The following NCAM2 variants were observed in gnomAD, a reference collection of about 807,000 sequenced individuals.
NCAM2 encodes N-CAM-2.
In NCAM2, 30 loss-of-function variants were observed where a neutral mutation model predicts 98.1. The observed-to-expected ratio is 0.31, with a 90% CI of 0.23 to 0.41. The LOEUF is 0.41. Ranked by LOEUF, NCAM2 falls within the 10% of genes least tolerant of loss-of-function variation. The pLI is 1.00. For missense variants in NCAM2, 867 were observed against 1,005.8 expected (o/e 0.86, Z 1.87); for synonymous variants, 368 against 342.4 (o/e 1.07, Z -0.83).
chr21:21,287,667 A>AT (rs2073148682), intron 4 of NCAM2, among the ~76,000 whole-genome samples: 1 of 151,926 alleles, frequency 6.6e-6, no homozygotes, highest in African/African-American at 2.4e-5. Flanking sequence ...AGTAAATTTT[A>AT]TTTTTAAAAG....
At chr21:21,520,334 C>T (rs1988945449) in intron 16 of NCAM2, among the ~76,000 whole-genome samples, 1 of 151,662 alleles carries the variant, frequency 6.6e-6, no homozygotes, top group Admixed American at 6.6e-5. Context: ...AATAATTTAC[C>T]TACTCATATT....
chr21:21,136,464 CTTTT>C (rs10540758), intron 1 of NCAM2, among the ~76,000 whole-genome samples: 28 of 146,838 alleles, frequency 1.9e-4, no homozygotes, highest in South Asian at 2.2e-4. Flanking sequence ...CAATTTATCT[CTTTT>C]TTTTTTTTTT....
chr21:21,351,776 T>C (rs2075346767), intron 8 of NCAM2, among the ~76,000 whole-genome samples: 1 of 152,220 alleles, frequency 6.6e-6, no homozygotes, highest in African/African-American at 2.4e-5. Flanking sequence ...AGACAGAGTC[T>C]AGCTCTGTTG....
chr21:21,343,080 G>A (rs966263570), intron 8 of NCAM2, among the ~76,000 whole-genome samples: 1 of 152,012 alleles, frequency 6.6e-6, no homozygotes, highest in Non-Finnish European at 1.5e-5. Context: ...GTCAGAAGAA[G>A]CTTTGTTTTT....
intron 1 of NCAM2, among the ~76,000 whole-genome samples, chr21:21,072,165 G>A (rs189740151): frequency 2.8e-4 from 42 of 152,242 alleles, no homozygotes; most frequent in African/African-American, 1.0e-3. Flanking sequence ...TCCCGTTTCG[G>A]CCTCCCAAAG....
chr21:21,198,184 ATGTGTGTGTGTGTGTGTGTGTG>A (rs10600265), intron 1 of NCAM2, among the ~76,000 whole-genome samples: 3 of 146,350 alleles, frequency 2.0e-5, no homozygotes, highest in East Asian at 2.0e-4. Context: ...TGTAAAGTAT[ATGTGTGTGTGTGTGTGTGTGTG>A]TGTGTGTGTG....
chr21:21,142,072 T>C (rs577955837), intron 1 of NCAM2, among the ~76,000 whole-genome samples: 7 of 152,322 alleles, frequency 4.6e-5, no homozygotes, highest in African/African-American at 1.7e-4. Context: ...TGTTACATCT[T>C]GATCTCCTTT....
At chr21:21,511,971 G>T (rs9979578) in intron 16 of NCAM2, among the ~76,000 whole-genome samples, 93,290 of 151,682 alleles carry the variant, frequency 0.62, 29,000 homozygotes, top group Middle Eastern at 0.74. Flanking sequence ...TGTTTTGTTT[G>T]AGATGCTCGT....
chr21:21,291,252 C>T (rs151304276), intron 4 of NCAM2, among the ~76,000 whole-genome samples: 10 of 151,864 alleles, frequency 6.6e-5, no homozygotes, highest in Non-Finnish European at 1.3e-4. Context: ...ATTGCCTGTA[C>T]AAAGAGTTTC....
intron 1 of NCAM2, among the ~76,000 whole-genome samples, chr21:21,100,046 G>T (rs2066208424): frequency 6.6e-6 from 1 of 151,636 alleles, no homozygotes; most frequent in South Asian, 2.1e-4. Context: ...ACTGACCATG[G>T]TTTTGCTTCA....
chr21:21,034,655 A>AGT (rs1444014873), intron 1 of NCAM2, among the ~76,000 whole-genome samples: 1 of 152,220 alleles, frequency 6.6e-6, no homozygotes, highest in African/African-American at 2.4e-5. Flanking sequence ...AAGAAACTTA[A>AGT]GTTTTAGAAT....
At chr21:21,023,577 C>T (rs1013687271) in intron 1 of NCAM2, among the ~76,000 whole-genome samples, 1 of 151,172 alleles carries the variant, frequency 6.6e-6, no homozygotes, top group Non-Finnish European at 1.5e-5. Flanking sequence ...TGTGGTTCTT[C>T]AAGTTAGATA....
chr21:21,106,141 T>TAC (rs1262584657), intron 1 of NCAM2, among the ~76,000 whole-genome samples: 1 of 151,862 alleles, frequency 6.6e-6, no homozygotes, highest in East Asian at 1.9e-4. Context: ...ACACAGTCTC[T>TAC]ACAAAAAATT....
At chr21:21,046,383 C>A (rs2065007880) in intron 1 of NCAM2, among the ~76,000 whole-genome samples, 4 of 151,990 alleles carry the variant, frequency 2.6e-5, no homozygotes, top group Admixed American at 2.6e-4. Context: ...AAATTGAGGT[C>A]GAATATGTGA....
chr21:21,329,855 G>A (rs1442727946), intron 6 of NCAM2, among the ~76,000 whole-genome samples: 1 of 152,054 alleles, frequency 6.6e-6, no homozygotes, highest in Non-Finnish European at 1.5e-5. Flanking sequence ...GGGCTATTCA[G>A]GTAATTTTCT....
chr21:21,014,037 TGCTTGGCTTCA>T (rs1434921644), intron 1 of NCAM2, among the ~76,000 whole-genome samples: 3 of 152,210 alleles, frequency 2.0e-5, no homozygotes, highest in African/African-American at 4.8e-5. Context: ...GAGAAGTCAA[TGCTTGGCTTCA>T]AAGTTGCAAA....
chr21:21,229,268 G>T lies in NCAM2; in HGVS notation c.56-51310G>T, dbSNP rs78864768. On this transcript the variant is annotated intron_variant, in intron 1 of 17. Transcript: ENST00000400546. ...CTTAATAACCTATGTTTGATTTGCT[G>T]CATTGCTTGCAATAGAGACTAGTAA... Among the ~76,000 whole-genome samples the T allele has an allele frequency of 9.1e-3, 1,386 of 151,552 alleles. 47 individuals carry two copies. The highest frequency in any genetic ancestry group is 0.059 in the Admixed American group (897 of 15,144).
intron 5 of NCAM2, among the ~76,000 whole-genome samples, chr21:21,323,703 G>A (rs1160321075): frequency 6.6e-6 from 1 of 152,134 alleles, no homozygotes; most frequent in South Asian, 2.1e-4. Context: ...AATGTAATTA[G>A]TTAGAAATTG....
intron 1 of NCAM2, among the ~76,000 whole-genome samples, chr21:21,232,796 A>G (rs532585442): frequency 6.1e-4 from 93 of 151,740 alleles, no homozygotes; most frequent in African/African-American, 2.1e-3. Context: ...TCAGTGTCAT[A>G]AACTGTAGGA....
Sources: gnomAD v4.1 joint callset for allele counts (sites outside exome capture counted in the v4.1 genomes callset) on GRCh38, gnomAD v4.1.1 for gene constraint, MANE v1.5 for transcripts, NCBI Gene and HGNC (gene_info 2026-07-23, HGNC 2026-07-21) for gene names.